The following GLIS3 variants were observed in gnomAD, a reference collection of about 807,000 sequenced individuals.
The protein encoded by GLIS3 is zinc finger protein GLIS3.
A neutral mutation model predicts 78.6 loss-of-function variants in GLIS3; 53 were observed. The observed-to-expected ratio is 0.67, with a 90% CI of 0.54 to 0.85. The LOEUF is 0.85. Ranked by LOEUF, GLIS3 falls within the 40% of genes least tolerant of loss-of-function variation. The pLI is 0.00. For synonymous variants in GLIS3, 684 were observed against 509.9 expected (o/e 1.34, Z -4.60); for missense variants, 1,703 against 1,231.1 (o/e 1.38, Z -5.74).
At chr9:3,988,809 T>C (rs1819983693) in intron 4 of GLIS3, among the ~76,000 whole-genome samples, 1 of 151,960 alleles carries the variant, frequency 6.6e-6, no homozygotes, top group Non-Finnish European at 1.5e-5. Context: ...CATACAACTT[T>C]CAGGGAAAAA....
At chr9:4,473,602 G>A in the GLIS3 span, among the ~76,000 whole-genome samples, 1 of 152,062 alleles carries the variant, frequency 6.6e-6, no homozygotes, top group South Asian at 2.1e-4. Context: ...AGAACACATG[G>A]ACACATAGAA....
the GLIS3 span, among the ~76,000 whole-genome samples, chr9:4,379,557 T>G: frequency 6.6e-6 from 1 of 152,314 alleles, no homozygotes; most frequent in Non-Finnish European, 1.5e-5. Flanking sequence ...TGATGAGATT[T>G]CAGGATCTGG....
intron 9 of GLIS3, among the ~76,000 whole-genome samples, chr9:3,843,060 C>T (rs1588069069): frequency 6.6e-6 from 1 of 152,312 alleles, no homozygotes; most frequent in East Asian, 1.9e-4. Context: ...CATGTCAGTT[C>T]TTGGTCAAGG....
intron 7 of GLIS3, among the ~76,000 whole-genome samples, chr9:3,886,563 A>G (rs1822087032): frequency 6.6e-6 from 1 of 152,190 alleles, no homozygotes; most frequent in African/African-American, 2.4e-5. Context: ...TTTCTCCAAG[A>G]GCATAAAGAT....
At chr9:3,897,507 T>A (rs1018223117) in intron 7 of GLIS3, among the ~76,000 whole-genome samples, 1 of 152,188 alleles carries the variant, frequency 6.6e-6, no homozygotes, top group Non-Finnish European at 1.5e-5. Flanking sequence ...ATATTTGATG[T>A]CTGTATATGA....
the GLIS3 span, among the ~76,000 whole-genome samples, chr9:4,460,986 G>A: frequency 1.3e-5 from 2 of 152,184 alleles, no homozygotes; most frequent in Non-Finnish European, 2.9e-5. Context: ...CTCATCCATA[G>A]AGAATTAAGA....
chr9:4,208,479 A>G (rs1465012134), intron 2 of GLIS3, among the ~76,000 whole-genome samples: 1 of 152,210 alleles, frequency 6.6e-6, no homozygotes, highest in Non-Finnish European at 1.5e-5. Flanking sequence ...AAGTTGCTCA[A>G]CATGGTGTAA....
At chr9:4,489,549 G>C in the GLIS3 span, among the ~76,000 whole-genome samples, 1 of 152,290 alleles carries the variant, frequency 6.6e-6, no homozygotes, top group African/African-American at 2.4e-5. Context: ...GTATACGTGA[G>C]AGTGAAAAAA....
In GLIS3 at chr9:4,151,243, T is replaced by C. The variant is rs1378598946; in HGVS notation, c.389-25302A>G. On this transcript the variant is annotated intron_variant, in intron 2 of 10. Transcript: ENST00000381971. ...CTAGAAGATACAAAAGCCTGCATTCTCCCAGATCAGACAAAATGTATGACT... is the reference window on the plus strand; with the variant it reads ...CTAGAAGATACAAAAGCCTGCATTCCCCCAGATCAGACAAAATGTATGACT... Among the ~76,000 whole-genome samples the C allele has an allele frequency of 2.6e-5, 4 of 152,154 alleles. No individual in the cohort carries two copies. The East Asian group carries it at 7.7e-4, about 29-fold the overall frequency.
chr9:4,251,125 C>G (rs1274315421), intron 2 of GLIS3, among the ~76,000 whole-genome samples: 1 of 152,200 alleles, frequency 6.6e-6, no homozygotes, highest in East Asian at 1.9e-4. Flanking sequence ...ATTAGGTCCA[C>G]TTGGTCCAGA....
At chr9:3,870,866 T>TC (rs1820928157) in intron 8 of GLIS3, among the ~76,000 whole-genome samples, 1 of 152,184 alleles carries the variant, frequency 6.6e-6, no homozygotes, top group African/African-American at 2.4e-5. Flanking sequence ...TCCTAACAGT[T>TC]CCCCAAAGTC....
At chr9:3,902,472 CTATT>C (rs1356865860) in intron 6 of GLIS3, among the ~76,000 whole-genome samples, 2 of 152,168 alleles carry the variant, frequency 1.3e-5, no homozygotes, top group Non-Finnish European at 2.9e-5. Flanking sequence ...AGAAGCCCAA[CTATT>C]TATTTAAAAA....
the GLIS3 span, among the ~76,000 whole-genome samples, chr9:4,455,799 T>G: frequency 1.2e-4 from 19 of 152,290 alleles, no homozygotes; most frequent in Admixed American, 9.8e-4. Flanking sequence ...TGATTGTTTT[T>G]CATTTCCTAG....
intron 3 of GLIS3, 46 bp downstream of exon 3, chr9:4,125,686 GGT>G (rs775453188): frequency 2.2e-5 from 28 of 1,251,572 alleles, no homozygotes; most frequent in Non-Finnish European, 3.2e-5. Flanking sequence ...ACACTTGTGG[GGT>G]GTGTTTATAC....
At chr9:4,164,746 A>C (rs1215674015) in intron 2 of GLIS3, among the ~76,000 whole-genome samples, 1 of 152,242 alleles carries the variant, frequency 6.6e-6, no homozygotes, top group Non-Finnish European at 1.5e-5. Flanking sequence ...GATATTGTAT[A>C]AAGTGAGAGG....
chr9:4,148,362 C>G (rs1834389861), intron 2 of GLIS3, among the ~76,000 whole-genome samples: 1 of 152,100 alleles, frequency 6.6e-6, no homozygotes, highest in African/African-American at 2.4e-5. Context: ...CACCACATCC[C>G]CACGTCCCCA....
At chr9:4,347,611 G>A (rs1273727781) in intron 1 of GLIS3, among the ~76,000 whole-genome samples, 1 of 152,130 alleles carries the variant, frequency 6.6e-6, no homozygotes, top group African/African-American at 2.4e-5. Context: ...GAGAATTATT[G>A]ACTCACATAA....
intron 2 of GLIS3, among the ~76,000 whole-genome samples, chr9:4,177,079 C>G (rs1816870885): frequency 6.6e-6 from 1 of 152,196 alleles, no homozygotes; most frequent in African/African-American, 2.4e-5. Flanking sequence ...GAATCCTAGT[C>G]TCAAGGTGTG....
intron 2 of GLIS3, among the ~76,000 whole-genome samples, chr9:4,213,900 AG>A (rs1351557223): frequency 1.3e-5 from 2 of 149,792 alleles, no homozygotes; most frequent in African/African-American, 4.9e-5. Context: ...ATGCTTTAAT[AG>A]GGAAGGCAGA....
Sources: allele counts gnomAD v4.1 joint callset (sites outside exome capture counted in the v4.1 genomes callset), GRCh38; gene constraint gnomAD v4.1.1; transcripts MANE v1.5; gene names NCBI Gene and HGNC (gene_info 2026-07-23, HGNC 2026-07-21).